The following UTRN variants were observed in gnomAD, a reference collection of about 807,000 sequenced individuals.
UTRN encodes dystrophin-related protein 1.
Under a neutral mutation model 463.9 loss-of-function variants are expected in UTRN, and 283 were observed. That is an observed-to-expected ratio of 0.61 (90% CI 0.55 to 0.67). UTRN has a LOEUF of 0.67. Ranked by LOEUF, UTRN falls within the 30% of genes least tolerant of loss-of-function variation. The pLI, the probability that UTRN is intolerant of heterozygous loss-of-function variation, is 0.00. For missense variants in UTRN, 3,922 were observed against 4,084.3 expected (o/e 0.96, Z 1.08); for synonymous variants, 1,442 against 1,431.5 (o/e 1.01, Z -0.17).
At chr6:144,306,468 C>G (rs576132544) in intron 2 of UTRN, among the ~76,000 whole-genome samples, 1 of 151,978 alleles carries the variant, frequency 6.6e-6, no homozygotes, top group African/African-American at 2.4e-5. Context: ...TGGTGGTCTT[C>G]AGATGATGGG....
At chr6:144,693,041 A>G (rs1344262457) in intron 52 of UTRN, among the ~76,000 whole-genome samples, 1 of 151,220 alleles carries the variant, frequency 6.6e-6, no homozygotes. Context: ...ACATTTAAGT[A>G]TTTAATCCAT....
At chr6:144,399,002 C>A (rs1162930757) in intron 2 of UTRN, among the ~76,000 whole-genome samples, 1 of 152,106 alleles carries the variant, frequency 6.6e-6, no homozygotes, top group East Asian at 1.9e-4. Context: ...ATTATCTAAA[C>A]TTCTTGTACA....
At chr6:144,690,889 A>G (rs1187046622) in intron 52 of UTRN, among the ~76,000 whole-genome samples, 1 of 152,110 alleles carries the variant, frequency 6.6e-6, no homozygotes, top group Non-Finnish European at 1.5e-5. Flanking sequence ...GGCCTGGCTC[A>G]TGATATACAC....
At chr6:144,626,136 A>G (rs9321983) in intron 51 of UTRN, among the ~76,000 whole-genome samples, 87,036 of 152,038 alleles carry the variant, frequency 0.57, 26,054 homozygotes, top group East Asian at 0.86. Flanking sequence ...TTAAGCAGTG[A>G]TGGGTGTTTA....
intron 51 of UTRN, among the ~76,000 whole-genome samples, chr6:144,589,529 C>T (rs1243701067): frequency 2.6e-5 from 4 of 151,958 alleles, no homozygotes; most frequent in Non-Finnish European, 5.9e-5. Context: ...TGTCTCTCTA[C>T]CTGTAATTTT....
chr6:144,615,430 C>T (rs1354297665), intron 51 of UTRN, among the ~76,000 whole-genome samples: 13 of 152,148 alleles, frequency 8.5e-5, no homozygotes, highest in Admixed American at 8.5e-4. Flanking sequence ...CATTACTTCT[C>T]CTGGGAAGCC....
At chr6:144,805,480 A>G (rs1015853383) in intron 65 of UTRN, among the ~76,000 whole-genome samples, 2 of 152,206 alleles carry the variant, frequency 1.3e-5, no homozygotes, top group Non-Finnish European at 2.9e-5. Flanking sequence ...TAGTAGAAGC[A>G]TGTTTCAGAA....
chr6:144,772,372 A>G (rs934720555), intron 59 of UTRN, among the ~76,000 whole-genome samples: 1 of 152,110 alleles, frequency 6.6e-6, no homozygotes, highest in African/African-American at 2.4e-5. Context: ...CCTTTCTTAC[A>G]TGGCATATTA....
chr6:144,808,987 T>C (rs1778380942), intron 65 of UTRN, among the ~76,000 whole-genome samples: 1 of 152,118 alleles, frequency 6.6e-6, no homozygotes, highest in South Asian at 2.1e-4. Context: ...AAATACCTTT[T>C]GGAGATAATG....
At chr6:144,658,152 A>G (rs1779515108) in intron 51 of UTRN, among the ~76,000 whole-genome samples, 2 of 152,176 alleles carry the variant, frequency 1.3e-5, no homozygotes, top group Non-Finnish European at 2.9e-5. Flanking sequence ...AGATTAACAC[A>G]TTTGTTTTTG....
chr6:144,823,106 T>C (rs1283630054), intron 66 of UTRN, among the ~76,000 whole-genome samples: 4 of 152,098 alleles, frequency 2.6e-5, no homozygotes, highest in African/African-American at 9.7e-5. Context: ...GCTGTGATTT[T>C]GGGGTGTAAT....
chr6:144,557,639 G>T (rs1218094721), intron 50 of UTRN, among the ~76,000 whole-genome samples: 1 of 151,974 alleles, frequency 6.6e-6, no homozygotes, highest in Non-Finnish European at 1.5e-5. Context: ...GGTAAGGAGT[G>T]CAGGTGTTTA....
intron 53 of UTRN, among the ~76,000 whole-genome samples, chr6:144,702,494 C>A (rs1784695380): frequency 6.6e-6 from 1 of 152,152 alleles, no homozygotes; most frequent in African/African-American, 2.4e-5. Flanking sequence ...CAGGTTCTTA[C>A]CTGATTGTGA....
chr6:144,290,752 CTTTTTTTTTTTTTTTTTT>C (rs200477118), intron 1 of UTRN, among the ~76,000 whole-genome samples: 2 of 99,140 alleles, frequency 2.0e-5, no homozygotes, highest in Non-Finnish European at 3.9e-5. Context: ...CCACAATCGT[CTTTTTTTTTTTTTTTTTT>C]TTTTTTTTTT....
At chr6:144,749,574 A>G (rs1171275841) in intron 55 of UTRN, among the ~76,000 whole-genome samples, 1 of 152,210 alleles carries the variant, frequency 6.6e-6, no homozygotes, top group Non-Finnish European at 1.5e-5. Flanking sequence ...GCTAGAACAC[A>G]CAGCAGTTCT....
At chr6:144,454,095 G>A (rs1788587209) in intron 19 of UTRN, among the ~76,000 whole-genome samples, 1 of 152,138 alleles carries the variant, frequency 6.6e-6, no homozygotes, top group African/African-American at 2.4e-5. Flanking sequence ...TTTATATGGG[G>A]TCGGGGCTGG....
chr6:144,647,197 G>A (rs1039478558), intron 51 of UTRN, among the ~76,000 whole-genome samples: 2 of 152,120 alleles, frequency 1.3e-5, no homozygotes, highest in African/African-American at 4.8e-5. Context: ...CACTCAGGTA[G>A]GTTTCGAGTG....
chr6:144,491,695 A>G (rs1318768195), intron 32 of UTRN, among the ~76,000 whole-genome samples: 2 of 152,228 alleles, frequency 1.3e-5, no homozygotes, highest in Admixed American at 6.5e-5. Context: ...TCTTTAGGAC[A>G]GGAGAGGTAT....
chr6:144,489,651 T>G (rs1386548221), intron 30 of UTRN, among the ~76,000 whole-genome samples: 1 of 151,782 alleles, frequency 6.6e-6, no homozygotes, highest in East Asian at 1.9e-4. Context: ...AGACGGATTC[T>G]CACTCTGTTG....
Sources: allele counts gnomAD v4.1 joint callset (sites outside exome capture counted in the v4.1 genomes callset), GRCh38; gene constraint gnomAD v4.1.1; transcripts MANE v1.5; gene names NCBI Gene and HGNC (gene_info 2026-07-23, HGNC 2026-07-21).